Variants in KIF14 observed in about 807,000 individuals in gnomAD.
KIF14 encodes kinesin family member 14, also known as kinesin-like protein KIF14.
In KIF14, 98 loss-of-function variants were observed where a neutral mutation model predicts 176.2. The observed-to-expected ratio is 0.56, with a 90% CI of 0.47 to 0.66. KIF14 has a LOEUF of 0.66. Among genes scored for constraint, KIF14 ranks in the 30% least tolerant of loss-of-function variants. KIF14 has a pLI of 0.00. For synonymous variants in KIF14, 566 were observed against 632.2 expected (o/e 0.90, Z 1.57); for missense variants, 1,751 against 1,920.4 (o/e 0.91, Z 1.65).
chr1:200,574,722 G>A (rs1212070330), intron 22 of KIF14, among the ~76,000 whole-genome samples: 1 of 152,054 alleles, frequency 6.6e-6, no homozygotes, highest in Non-Finnish European at 1.5e-5. Flanking sequence ...AAGCATCTGA[G>A]GTCTAAGCAG....
chr1:200,593,780 A>C lies in KIF14; in HGVS notation c.2550-11T>G. On this transcript the variant is annotated splice_polypyrimidine_tract_variant and intron_variant, in intron 14 of 29. Coordinates refer to ENST00000367350, the MANE Select transcript of KIF14 (RefSeq NM_014875.3). ...AAATTTTTGATAGTACTGTTAAAAT[A>C]AGAAGCACATAGTTAACAATTATAG... 2 of 1,477,124 alleles carry C rather than the reference A, an allele frequency of 1.4e-6. No individual in the cohort carries two copies. The highest frequency in any genetic ancestry group is 1.1e-5 in the South Asian group (1 of 88,138). The allele number at this position is 1,477,124 out of a possible 1,614,324, so 91.5% of individuals were successfully genotyped here. A position where few individuals can be genotyped will look rare whatever the true frequency, so the allele number is the denominator to read the frequency against.
At chr1:200,577,334 C>T (rs1289701079) in intron 21 of KIF14, among the ~76,000 whole-genome samples, 1 of 150,514 alleles carries the variant, frequency 6.6e-6, no homozygotes, top group Non-Finnish European at 1.5e-5. Context: ...AACAAACAAA[C>T]AAATAAGCAA....
intron 22 of KIF14, among the ~76,000 whole-genome samples, chr1:200,571,526 G>A (rs1406562555): frequency 6.6e-6 from 1 of 152,134 alleles, no homozygotes; most frequent in Non-Finnish European, 1.5e-5. Context: ...ACAGAGCAGT[G>A]ATCTAGATCT....
At chr1:200,585,670 G>A (rs1658698756) in intron 19 of KIF14, among the ~76,000 whole-genome samples, 1 of 152,154 alleles carries the variant, frequency 6.6e-6, no homozygotes, top group Non-Finnish European at 1.5e-5. Flanking sequence ...AGGTTCTGGT[G>A]AGGGCCCTGT....
At chr1:200,562,199 G>A (rs1263042708) in intron 25 of KIF14, among the ~76,000 whole-genome samples, 1 of 152,202 alleles carries the variant, frequency 6.6e-6, no homozygotes, top group Non-Finnish European at 1.5e-5. Flanking sequence ...TCTGTCCTGA[G>A]CTTAATCTAA....
At chr1:200,590,641 A>G (rs1659006037) in intron 16 of KIF14, among the ~76,000 whole-genome samples, 1 of 152,248 alleles carries the variant, frequency 6.6e-6, no homozygotes, top group African/African-American at 2.4e-5. Context: ...GGGAGAGAGG[A>G]GAATGGCTAT....
At position 200,592,166 on chromosome 1, in the gene KIF14, C is replaced by A. The variant is rs932103647; in HGVS notation, c.2727G>T (p.Arg909Ser). 2 of 1,613,214 alleles carry A rather than the reference C, an allele frequency of 1.2e-6. No individual in the cohort carries two copies. Among genetic ancestry groups the A allele is most frequent in the East Asian group, 2.2e-5 (1 of 44,848 alleles). The change falls in exon 16 of 30, where the codon AGG becomes AGT. Residue 909 changes from arginine to serine, a missense_variant. Transcript: ENST00000367350. Reference sequence around the variant, plus strand: ...TTATAGGAGTATCTCTTCCAGATGGCCTTTTTCCTTTCTGGACTTCTACTG... The same window carrying A: ...TTATAGGAGTATCTCTTCCAGATGGACTTTTTCCTTTCTGGACTTCTACTG... ...NHPVEVQKGK[R>S]PSGRDTPISE...
intron 4 of KIF14, among the ~76,000 whole-genome samples, chr1:200,612,630 G>T (rs1473377972): frequency 6.6e-6 from 1 of 152,138 alleles, no homozygotes; most frequent in Non-Finnish European, 1.5e-5. Context: ...GGAATGAGAG[G>T]TTGAGGGTAG....
intron 19 of KIF14, among the ~76,000 whole-genome samples, chr1:200,585,056 T>G (rs1361645554): frequency 1.3e-5 from 2 of 151,916 alleles, no homozygotes; most frequent in African/African-American, 4.8e-5. Flanking sequence ...GCACAGAGAG[T>G]AGAATGATGG....
chr1:200,588,949 A>T (rs192083716), intron 18 of KIF14, among the ~76,000 whole-genome samples: 1 of 152,334 alleles, frequency 6.6e-6, no homozygotes, highest in East Asian at 1.9e-4. Flanking sequence ...ATTACTTGGC[A>T]TGACTGATGA....
chr1:200,582,776 G>T (rs759977634), intron 19 of KIF14, among the ~76,000 whole-genome samples: 1 of 151,870 alleles, frequency 6.6e-6, no homozygotes, highest in African/African-American at 2.4e-5. Context: ...CTTGAAAGCG[G>T]GAGACAGAAG....
chr1:200,612,183 A>G (rs1308459499), intron 4 of KIF14, among the ~76,000 whole-genome samples: 2 of 151,902 alleles, frequency 1.3e-5, no homozygotes, highest in African/African-American at 4.8e-5. Flanking sequence ...TTGTATTCTT[A>G]GTAGAGACAG....
At chr1:200,593,861 C>T (rs1364688218) in intron 14 of KIF14, 92 bp from the exon 15 acceptor site, 4 of 703,376 alleles carry the variant, frequency 5.7e-6, no homozygotes, top group South Asian at 1.6e-5. Flanking sequence ...TGGGCTATTC[C>T]TTTGGTGTTA....
chr1:200,611,911 A>G (rs1228290781), intron 4 of KIF14, among the ~76,000 whole-genome samples: 1 of 152,234 alleles, frequency 6.6e-6, no homozygotes, highest in African/African-American at 2.4e-5. Context: ...ACACAGAAAG[A>G]CATTAAGTAA....
At chr1:200,591,482 T>C (rs1328182500) in intron 16 of KIF14, among the ~76,000 whole-genome samples, 1 of 152,240 alleles carries the variant, frequency 6.6e-6, no homozygotes, top group Non-Finnish European at 1.5e-5. Flanking sequence ...ATGTTTCCCT[T>C]ATCCTTTAAG....
intron 4 of KIF14, among the ~76,000 whole-genome samples, chr1:200,614,100 C>T (rs916558819): frequency 1.3e-5 from 2 of 152,194 alleles, no homozygotes; most frequent in Non-Finnish European, 2.9e-5. Flanking sequence ...GGAGAAAAGA[C>T]AGAAGAGATG....
chr1:200,576,786 A>C (rs1003247694), intron 21 of KIF14, among the ~76,000 whole-genome samples: 12 of 152,022 alleles, frequency 7.9e-5, no homozygotes, highest in African/African-American at 2.9e-4. Flanking sequence ...TATGACATAA[A>C]CCCTACTTCT....
intron 4 of KIF14, among the ~76,000 whole-genome samples, chr1:200,612,422 TC>T (rs535924762): frequency 9.2e-4 from 140 of 152,310 alleles, no homozygotes; most frequent in African/African-American, 3.4e-3. Context: ...ACTACACTTA[TC>T]TATGTCTTCC....
Position 200,592,367 on chromosome 1 carries a change from T to C in KIF14, c.2653-127A>G, listed in dbSNP as rs113295605. On this transcript the variant is annotated intron_variant, in intron 15 of 29. Coordinates refer to ENST00000367350, the MANE Select transcript of KIF14 (RefSeq NM_014875.3). Reference sequence around the variant, plus strand: ...TGATAAACATAAACATCATAGCAACTAACATTTATTACTTTTTTTTTCTTT... The same window carrying C: ...TGATAAACATAAACATCATAGCAACCAACATTTATTACTTTTTTTTTCTTT... 15 of 687,770 alleles carry C rather than the reference T, an allele frequency of 2.2e-5. 1 individual carries two copies. The highest frequency in any genetic ancestry group is 1.7e-4 in the African/African-American group (9 of 53,628). The allele number at this position is 687,770 out of a possible 1,614,324, so 42.6% of individuals were successfully genotyped here. A position where few individuals can be genotyped will look rare whatever the true frequency, so the allele number is the denominator to read the frequency against.
Sources: gnomAD v4.1 joint callset for allele counts (sites outside exome capture counted in the v4.1 genomes callset) on GRCh38, gnomAD v4.1.1 for gene constraint, MANE v1.5 for transcripts, NCBI Gene and HGNC (gene_info 2026-07-23, HGNC 2026-07-21) for gene names.